The following HIBADH variants were observed in gnomAD, a reference collection of about 807,000 sequenced individuals.
HIBADH encodes 3-hydroxyisobutyrate dehydrogenase, mitochondrial.
Under a neutral mutation model 36.1 loss-of-function variants are expected in HIBADH, and 25 were observed. The observed-to-expected ratio is 0.69, with a 90% CI of 0.50 to 0.97. HIBADH has a LOEUF of 0.97. HIBADH is among the 50% of genes least tolerant of loss of function. The pLI, the probability that HIBADH is intolerant of heterozygous loss-of-function variation, is 0.00. For missense variants in HIBADH, 421 were observed against 418.0 expected, an observed-to-expected ratio of 1.01 and a Z score of -0.06; for synonymous variants, 160 against 149.5, an observed-to-expected ratio of 1.07 and a Z score of -0.51.
intron 5 of HIBADH, chr7:27,541,675 A>G: frequency 5.2e-6 from 2 of 384,066 alleles, no homozygotes; most frequent in Admixed American, 3.6e-5. Flanking sequence ...GACTTTTCTC[A>G]GCTTCTTAGG....
chr7:27,578,200 C>CT (rs573536601), intron 4 of HIBADH, among the ~76,000 whole-genome samples: 137 of 151,910 alleles, frequency 9.0e-4, no homozygotes, highest in Middle Eastern at 3.4e-3. Flanking sequence ...CTAAGAGAAT[C>CT]TTTTTTTTGA....
intron 4 of HIBADH, among the ~76,000 whole-genome samples, chr7:27,616,199 C>A (rs1173342335): frequency 3.3e-5 from 5 of 152,174 alleles, no homozygotes; most frequent in Admixed American, 3.3e-4. Flanking sequence ...CTCATTTTAA[C>A]AACCAGATAT....
intron 1 of HIBADH, among the ~76,000 whole-genome samples, chr7:27,658,973 C>A (rs56282178): frequency 0.21 from 31,399 of 151,866 alleles, 3,565 homozygotes; most frequent in Non-Finnish European, 0.27. Flanking sequence ...TTTTAGGCCC[C>A]GGACCATGAG....
chr7:27,615,491 C>A (rs1047202607), intron 4 of HIBADH, among the ~76,000 whole-genome samples: 1 of 152,160 alleles, frequency 6.6e-6, no homozygotes, highest in Non-Finnish European at 1.5e-5. Context: ...ATACTACCGC[C>A]ATGCACTGCA....
At chr7:27,532,358 T>TA (rs1019699466) in intron 6 of HIBADH, among the ~76,000 whole-genome samples, 13 of 151,956 alleles carry the variant, frequency 8.6e-5, no homozygotes, top group Admixed American at 2.0e-4. Context: ...TTCCAGAAAA[T>TA]AAAAAAAACA....
At chr7:27,552,314 C>T (rs1784330086) in intron 4 of HIBADH, among the ~76,000 whole-genome samples, 1 of 152,026 alleles carries the variant, frequency 6.6e-6, no homozygotes, top group African/African-American at 2.4e-5. Flanking sequence ...TAACATAACC[C>T]CTTGTTAACA....
chr7:27,530,684 C>T (rs1052813821), intron 7 of HIBADH, among the ~76,000 whole-genome samples: 3 of 152,208 alleles, frequency 2.0e-5, no homozygotes, highest in African/African-American at 7.2e-5. Flanking sequence ...AGAAGGATGA[C>T]AGTTTGCTTT....
chr7:27,531,106 AT>A, intron 7 of HIBADH, 85 bp downstream of exon 7: 1 of 1,355,212 alleles, frequency 7.4e-7, no homozygotes, highest in Non-Finnish European at 1.0e-6. Flanking sequence ...CCTGAGACAT[AT>A]GCTTTATTAA....
chr7:27,659,861 C>T (rs1008266126), intron 1 of HIBADH, among the ~76,000 whole-genome samples: 1 of 152,210 alleles, frequency 6.6e-6, no homozygotes, highest in African/African-American at 2.4e-5. Context: ...AGTTCTAGAC[C>T]AGCGTAGTAG....
chr7:27,577,164 C>CTTTT (rs35467427), intron 4 of HIBADH, among the ~76,000 whole-genome samples: 1 of 143,884 alleles, frequency 7.0e-6, no homozygotes, highest in Admixed American at 7.0e-5. Flanking sequence ...CATCATTTCT[C>CTTTT]TCTTTTTTTT....
In HIBADH at chr7:27,571,421, C is replaced by T. The variant is rs190593815; in HGVS notation, c.485-28321G>A. On this transcript the variant is annotated intron_variant, in intron 4 of 7. Transcript: ENST00000265395. ...TGTATTTTTAGTAGAGACAGGATTTCTCCATGTTGGTCAGGCTGGTCTCAA... is the reference window on the plus strand; with the variant it reads ...TGTATTTTTAGTAGAGACAGGATTTTTCCATGTTGGTCAGGCTGGTCTCAA... Among the ~76,000 whole-genome samples the T allele has an allele frequency of 3.5e-3, 533 of 152,208 alleles. 6 individuals are homozygous for T. Among genetic ancestry groups the T allele is most frequent in the African/African-American group, 0.012 (499 of 41,532 alleles).
intron 4 of HIBADH, among the ~76,000 whole-genome samples, chr7:27,585,154 G>GTT (rs961032681): frequency 6.6e-6 from 1 of 151,692 alleles, no homozygotes; most frequent in African/African-American, 2.4e-5. Context: ...AGGTGTGCAT[G>GTT]TTTTTTATAT....
In HIBADH at chr7:27,629,708, C is replaced by CA. The variant is rs199646006; in HGVS notation, c.363-217dup. ...TAAACCCAAACTCTTTCAAAAGATC[C>CA]AAAAAAAACCTAATAAAACCTAATA... On this transcript the variant is annotated intron_variant, in intron 3 of 7. Coordinates refer to ENST00000265395, the MANE Select transcript of HIBADH (RefSeq NM_152740.4). Among the ~76,000 whole-genome samples, 447 of 151,522 alleles carry CA rather than the reference C, an allele frequency of 3.0e-3. 1 individual carries two copies. Among genetic ancestry groups the CA allele is most frequent in the Non-Finnish European group, 4.0e-3 (272 of 67,824 alleles).
At chr7:27,600,908 C>T (rs1454780921) in intron 4 of HIBADH, among the ~76,000 whole-genome samples, 1 of 152,148 alleles carries the variant, frequency 6.6e-6, no homozygotes, top group Non-Finnish European at 1.5e-5. Flanking sequence ...TGAAGCCAGA[C>T]TTACCAGACT....
intron 4 of HIBADH, among the ~76,000 whole-genome samples, chr7:27,574,514 T>G (rs112455862): frequency 0.11 from 16,960 of 152,172 alleles, 1,078 homozygotes; most frequent in Middle Eastern, 0.14. Flanking sequence ...CTCTTTACCT[T>G]TTTTATTTGT....
intron 5 of HIBADH, among the ~76,000 whole-genome samples, chr7:27,540,480 T>C (rs1359507969): frequency 6.6e-6 from 1 of 152,226 alleles, no homozygotes; most frequent in Non-Finnish European, 1.5e-5. Flanking sequence ...ATTTCCTTGA[T>C]TGGCCCTGCC....
chr7:27,617,689 G>A (rs957919429), intron 4 of HIBADH, among the ~76,000 whole-genome samples: 1 of 152,248 alleles, frequency 6.6e-6, no homozygotes, highest in East Asian at 1.9e-4. Flanking sequence ...CAGGAAAACG[G>A]TAAGTAAAAG....
At chr7:27,646,326 T>G (rs1786070162) in intron 2 of HIBADH, among the ~76,000 whole-genome samples, 1 of 152,158 alleles carries the variant, frequency 6.6e-6, no homozygotes, top group Non-Finnish European at 1.5e-5. Flanking sequence ...CACTCAAAAA[T>G]GTCTTTCACA....
chr7:27,607,322 A>G (rs2128291266), intron 4 of HIBADH, among the ~76,000 whole-genome samples: 1 of 152,314 alleles, frequency 6.6e-6, no homozygotes, highest in Middle Eastern at 3.4e-3. Context: ...AGCCTGGCCA[A>G]CACGGTGAAA....
Sources: allele counts gnomAD v4.1 joint callset (sites outside exome capture counted in the v4.1 genomes callset), GRCh38; gene constraint gnomAD v4.1.1; transcripts MANE v1.5; gene names NCBI Gene and HGNC (gene_info 2026-07-23, HGNC 2026-07-21).